Variants in ROBO1 observed in about 807,000 individuals in gnomAD.
ROBO1 encodes roundabout homolog 1.
A neutral mutation model predicts 195.9 loss-of-function variants in ROBO1; 149 were observed. That is an observed-to-expected ratio of 0.76 (90% CI 0.67 to 0.87). The LOEUF (loss-of-function observed/expected upper bound fraction) is 0.87. ROBO1 is among the 40% of genes least tolerant of loss of function. The pLI, the probability that ROBO1 is intolerant of heterozygous loss-of-function variation, is 0.00. For synonymous variants in ROBO1, 816 were observed against 733.2 expected (o/e 1.11, Z -1.82); for missense variants, 1,933 against 2,068.3 (o/e 0.93, Z 1.27).
chr3:79,510,817 G>T (rs771311651), intron 2 of ROBO1, among the ~76,000 whole-genome samples: 1 of 151,974 alleles, frequency 6.6e-6, no homozygotes, highest in Non-Finnish European at 1.5e-5. Flanking sequence ...GACATTTTTG[G>T]ATTTTAAGAC....
chr3:79,268,971 G>T (rs2030261138), intron 2 of ROBO1, among the ~76,000 whole-genome samples: 3 of 151,566 alleles, frequency 2.0e-5, no homozygotes, highest in Admixed American at 6.6e-5. Flanking sequence ...TATCATTATA[G>T]AATGAATCAC....
At chr3:78,664,980 A>C (rs1355415199) in intron 14 of ROBO1, among the ~76,000 whole-genome samples, 1 of 152,202 alleles carries the variant, frequency 6.6e-6, no homozygotes, top group Admixed American at 6.5e-5. Context: ...AGCTAGAATA[A>C]GCATAACTCT....
intron 3 of ROBO1, among the ~76,000 whole-genome samples, chr3:78,966,037 C>T (rs982960694): frequency 3.3e-5 from 5 of 152,204 alleles, no homozygotes; most frequent in African/African-American, 9.6e-5. Context: ...AGCCCCTGAG[C>T]TCCATCTCCT....
At chr3:78,785,172 C>T (rs1029643788) in intron 4 of ROBO1, among the ~76,000 whole-genome samples, 1 of 152,180 alleles carries the variant, frequency 6.6e-6, no homozygotes, top group African/African-American at 2.4e-5. Context: ...GATTATAATC[C>T]TGTGTTAAAG....
At chr3:79,604,302 A>G (rs1214034582) in intron 1 of ROBO1, among the ~76,000 whole-genome samples, 3 of 152,030 alleles carry the variant, frequency 2.0e-5, no homozygotes, top group Admixed American at 6.6e-5. Flanking sequence ...TAAAATTAAG[A>G]TATGATCCTT....
intron 2 of ROBO1, among the ~76,000 whole-genome samples, chr3:79,563,603 G>T (rs181386639): frequency 6.6e-6 from 1 of 152,152 alleles, no homozygotes; most frequent in Admixed American, 6.6e-5. Context: ...CCAATAAAAA[G>T]AAATTATTTG....
chr3:78,913,365 G>A (rs1298174898), intron 4 of ROBO1, among the ~76,000 whole-genome samples: 1 of 151,962 alleles, frequency 6.6e-6, no homozygotes, highest in Non-Finnish European at 1.5e-5. Flanking sequence ...AACTGAGCAA[G>A]GGACGTAACA....
intron 1 of ROBO1, among the ~76,000 whole-genome samples, chr3:79,605,277 T>A (rs1944449150): frequency 6.6e-6 from 1 of 151,746 alleles, no homozygotes; most frequent in Non-Finnish European, 1.5e-5. Context: ...TTTCTCTGCC[T>A]TGCTTCTAAA....
intron 29 of ROBO1, among the ~76,000 whole-genome samples, chr3:78,604,113 A>G (rs2107261435): frequency 1.3e-5 from 2 of 152,138 alleles, no homozygotes; most frequent in Middle Eastern, 3.4e-3. Flanking sequence ...TCTGTCGCCC[A>G]GACCTGGAGT....
intron 2 of ROBO1, among the ~76,000 whole-genome samples, chr3:79,508,740 A>G (rs895637404): frequency 6.6e-6 from 1 of 152,162 alleles, no homozygotes; most frequent in Non-Finnish European, 1.5e-5. Context: ...AAATGAAGCA[A>G]TTAGAGTCTG....
At chr3:78,658,589 T>A (rs778938319) in intron 17 of ROBO1, among the ~76,000 whole-genome samples, 5 of 152,238 alleles carry the variant, frequency 3.3e-5, no homozygotes, top group Non-Finnish European at 7.3e-5. Flanking sequence ...ACTGACATAC[T>A]CTATATTCCT....
chr3:79,755,402 T>C (rs1704333184), intron 1 of ROBO1, among the ~76,000 whole-genome samples: 1 of 151,970 alleles, frequency 6.6e-6, no homozygotes, highest in Admixed American at 6.6e-5. Flanking sequence ...GCCCAATGGG[T>C]TACTCTTCTG....
intron 2 of ROBO1, among the ~76,000 whole-genome samples, chr3:79,330,273 G>GTATATATA (rs34794861): frequency 0.12 from 16,836 of 137,526 alleles, 1,068 homozygotes; most frequent in Middle Eastern, 0.18. Flanking sequence ...GTATATATAT[G>GTATATATA]TATATATATA....
intron 4 of ROBO1, among the ~76,000 whole-genome samples, chr3:78,804,812 C>G (rs1388342970): frequency 1.3e-5 from 2 of 149,412 alleles, no homozygotes; most frequent in Non-Finnish European, 3.0e-5. Flanking sequence ...TTCCTCTGGA[C>G]AAGTTCCATT....
chr3:79,001,576 A>G (rs1429797991), intron 3 of ROBO1, among the ~76,000 whole-genome samples: 2 of 152,150 alleles, frequency 1.3e-5, no homozygotes, highest in Non-Finnish European at 2.9e-5. Flanking sequence ...AAATTATCCT[A>G]AAGAATAGAA....
At chr3:78,627,651 A>C in intron 25 of ROBO1, 82 bp from the exon 26 acceptor site, 2 of 1,409,524 alleles carry the variant, frequency 1.4e-6, no homozygotes, top group South Asian at 2.9e-5. Flanking sequence ...TGTCACCTTT[A>C]AATTGTTTTT....
chr3:78,908,765 G>A (rs2038075532), intron 4 of ROBO1, among the ~76,000 whole-genome samples: 1 of 151,808 alleles, frequency 6.6e-6, no homozygotes, highest in Non-Finnish European at 1.5e-5. Context: ...GCACACATGG[G>A]CTGTGTAGCA....
At chr3:79,074,279 G>T (rs185346394) in intron 3 of ROBO1, among the ~76,000 whole-genome samples, 33 of 151,870 alleles carry the variant, frequency 2.2e-4, no homozygotes, top group Admixed American at 2.6e-4. Flanking sequence ...TTGTTTCAGG[G>T]TATTCTGGTT....
intron 1 of ROBO1, among the ~76,000 whole-genome samples, chr3:79,616,207 T>C (rs1258646167): frequency 1.3e-5 from 2 of 152,180 alleles, no homozygotes; most frequent in Admixed American, 1.3e-4. Context: ...GCTGAGGCAG[T>C]AGACATCATC....
Sources: allele counts gnomAD v4.1 joint callset (sites outside exome capture counted in the v4.1 genomes callset), GRCh38; gene constraint gnomAD v4.1.1; transcripts MANE v1.5; gene names NCBI Gene and HGNC (gene_info 2026-07-23, HGNC 2026-07-21).